The following PALD1 variants were observed in gnomAD, a reference collection of about 807,000 sequenced individuals.
PALD1 encodes the protein paladin.
In PALD1, 57 loss-of-function variants were observed where a neutral mutation model predicts 96.0. The observed-to-expected ratio is 0.59, with a 90% CI of 0.48 to 0.74. PALD1 has a LOEUF of 0.74. PALD1 is among the 30% of genes least tolerant of loss of function. The pLI is 0.00. For missense variants in PALD1, 1,063 were observed against 1,143.7 expected (o/e 0.93, Z 1.02); for synonymous variants, 464 against 473.6 (o/e 0.98, Z 0.26).
intron 1 of PALD1, among the ~76,000 whole-genome samples, chr10:70,514,401 A>G (rs994596670): frequency 2.6e-5 from 4 of 152,228 alleles, no homozygotes; most frequent in African/African-American, 4.8e-5. Flanking sequence ...AAATATAAAA[A>G]CACTTGAGAA....
chr10:70,563,259 T>C (rs1215293957), intron 18 of PALD1, among the ~76,000 whole-genome samples: 1 of 152,032 alleles, frequency 6.6e-6, no homozygotes, highest in Non-Finnish European at 1.5e-5. Context: ...GTCTTGTCCC[T>C]CCTCATCCTC....
At chr10:70,547,724 C>T (rs1267585204) in intron 18 of PALD1, among the ~76,000 whole-genome samples, 1 of 152,188 alleles carries the variant, frequency 6.6e-6, no homozygotes, top group Non-Finnish European at 1.5e-5. Context: ...GGCCCTAGGA[C>T]CAATCAAGGA....
At chr10:70,467,542 C>T in the PALD1 span, among the ~76,000 whole-genome samples, 15 of 152,098 alleles carry the variant, frequency 9.9e-5, no homozygotes, top group African/African-American at 2.2e-4. Context: ...CGCGGGGAAG[C>T]GGATGGCGTC....
At position 70,547,335 on chromosome 10, in the gene PALD1, C is replaced by G; in HGVS notation, c.2151C>G (p.Pro717=). 1 of 1,613,398 alleles carries G rather than the reference C, an allele frequency of 6.2e-7. No individual in the cohort carries two copies. The highest frequency in any genetic ancestry group is 8.5e-7 in the Non-Finnish European group (1 of 1,179,460). ...TAATGAAGGTGGTGCAGCTGCTACC[C>G]GATGGGCACCGTGTGAAGAAGGAGG... The part of the protein sequence containing the change: ...QVVMKVVQLL[P]DGHRVKKEVD... Residue 717 remains proline, a synonymous_variant, in exon 18 of 20, where the codon CCC becomes CCG. Coordinates refer to ENST00000263563, the MANE Select transcript of PALD1 (RefSeq NM_014431.3).
intron 1 of PALD1, among the ~76,000 whole-genome samples, chr10:70,510,906 C>T (rs562807684): frequency 7.9e-5 from 12 of 152,284 alleles, no homozygotes; most frequent in Admixed American, 6.5e-4. Flanking sequence ...GGTGCTCTAA[C>T]GGTGTGCATC....
chr10:70,507,816 G>A (rs887731494), intron 1 of PALD1, among the ~76,000 whole-genome samples: 3 of 151,510 alleles, frequency 2.0e-5, no homozygotes, highest in African/African-American at 7.3e-5. Context: ...TCGTAGAGAT[G>A]AGGTCTCACC....
chr10:70,520,879 A>G (rs1846720518), intron 1 of PALD1, among the ~76,000 whole-genome samples: 5 of 151,248 alleles, frequency 3.3e-5, no homozygotes, highest in Admixed American at 2.6e-4. Context: ...TTTAGTAGAG[A>G]TAGGGTTTTG....
At position 70,538,381 on chromosome 10, in the gene PALD1, G is replaced by A. The variant is rs371642744; in HGVS notation, c.1425G>A (p.Pro475=). The change falls in exon 12 of 20, where the codon CCG becomes CCA. Residue 475 remains proline, a synonymous_variant. Coordinates refer to ENST00000263563, the MANE Select transcript of PALD1 (RefSeq NM_014431.3). ...TGAGCTCAGCAGGCCCTGTGGCTCC[G>A]AGGGACCTCATCGCCAGGGGCTCCC... ...VTLSSAGPVA[P]RDLIARGSLR... 36 of 1,611,630 alleles carry A rather than the reference G, an allele frequency of 2.2e-5. No homozygotes were observed. The highest frequency in any genetic ancestry group is 8.0e-5 in the African/African-American group (6 of 75,070).
At chr10:70,490,984 T>G (rs1344188042) in intron 1 of PALD1, among the ~76,000 whole-genome samples, 5 of 152,008 alleles carry the variant, frequency 3.3e-5, no homozygotes, top group African/African-American at 1.2e-4. Flanking sequence ...AGACAGAGTC[T>G]CGCTCTGTCG....
At chr10:70,474,090 A>G (rs1845793571), upstream of PALD1, among the ~76,000 whole-genome samples, 1 of 152,148 alleles carries the variant, frequency 6.6e-6, no homozygotes, top group African/African-American at 2.4e-5. Context: ...CTCCTGCCAC[A>G]TGTCCTGGGT....
chr10:70,539,840 G>A lies in PALD1; in HGVS notation c.1908+78G>A. 16 of 1,332,386 alleles carry A rather than the reference G, an allele frequency of 1.2e-5. No homozygotes were observed. Among genetic ancestry groups the A allele is most frequent in the Non-Finnish European group, 1.2e-5 (12 of 970,714 alleles). The allele number at this position is 1,332,386 out of a possible 1,614,324, so 82.5% of individuals were successfully genotyped here. On this transcript the variant is annotated intron_variant, in intron 15 of 19. Coordinates refer to ENST00000263563, the MANE Select transcript of PALD1 (RefSeq NM_014431.3). The surrounding 1 kb of genome is among the most constrained non-coding windows in gnomAD (Gnocchi z 4.5). ...GTCTCCCCTCTGGTCTGGGCTCTGGGAGAATGAAACGACCCCAGCTTCTCT... is the reference window on the plus strand; with the variant it reads ...GTCTCCCCTCTGGTCTGGGCTCTGGAAGAATGAAACGACCCCAGCTTCTCT...
chr10:70,539,534 A>G lies in PALD1; in HGVS notation c.1726-46A>G. ...GGCTGTGGCCTTTCAGGGCTAGCCT[A>G]GAGCCTGCCCCAGTGGCCTGTGTCC... On this transcript the variant is annotated intron_variant, in intron 14 of 19. Transcript: ENST00000263563. The surrounding 1 kb of genome is among the most constrained non-coding windows in gnomAD (Gnocchi z 4.5). 1 of 1,511,000 alleles carries G rather than the reference A, an allele frequency of 6.6e-7. No homozygotes were observed. Among genetic ancestry groups the G allele is most frequent in the East Asian group, 2.3e-5 (1 of 43,892 alleles). 93.6% of individuals were successfully genotyped at this position (1,511,000 alleles called of 1,614,324 possible). A position where few individuals can be genotyped will look rare whatever the true frequency, so the allele number is the denominator to read the frequency against.
chr10:70,541,382 T>C lies in PALD1; in HGVS notation c.2050-81T>C. 3 of 1,541,074 alleles carry C rather than the reference T, an allele frequency of 1.9e-6. No homozygotes were observed. The South Asian group carries it at 3.4e-5, about 17-fold the overall frequency. The stretch of plus-strand genomic sequence containing the variant: ...GTCCCAGAGCCCCTTCCATCAGTCT[T>C]GGGCAGCCCCCAAGTCCTCCCCAGC... On this transcript the variant is annotated intron_variant, in intron 16 of 19. Transcript: ENST00000263563.
the PALD1 span, among the ~76,000 whole-genome samples, chr10:70,471,458 G>A: frequency 1.4e-4 from 21 of 152,286 alleles, no homozygotes; most frequent in East Asian, 3.9e-3. Context: ...ACACCACTGT[G>A]GTCATCTTTG....
Position 70,567,869 on chromosome 10 carries a change from C to A in PALD1, c.*1136C>A, listed in dbSNP as rs1434089949. 4 of 152,244 alleles carry A rather than the reference C, an allele frequency of 2.6e-5. No homozygotes were observed. The highest frequency in any genetic ancestry group is 4.8e-5 in the African/African-American group (2 of 41,446). 9.4% of individuals were successfully genotyped at this position (152,244 alleles called of 1,614,324 possible). A position where few individuals can be genotyped will look rare whatever the true frequency, so the allele number is the denominator to read the frequency against. On this transcript the variant is annotated 3_prime_UTR_variant, in exon 20 of 20. Transcript: ENST00000263563. ...AGTGCCATGTTTGCGTTGAGCCTTGCAGCTCTTCCAGCTGGGGACTGGTGC... is the reference window on the plus strand; with the variant it reads ...AGTGCCATGTTTGCGTTGAGCCTTGAAGCTCTTCCAGCTGGGGACTGGTGC...
Position 70,539,351 on chromosome 10 carries a change from C to A in PALD1, c.1725+104C>A. ...ACACTCCCGCAGACAGATGGAGAAT[C>A]TGAGGCCCCGGGAGGAGCAGTGTCA... On this transcript the variant is annotated intron_variant, in intron 14 of 19. Coordinates refer to ENST00000263563, the MANE Select transcript of PALD1 (RefSeq NM_014431.3). The surrounding 1 kb of genome is among the most constrained non-coding windows in gnomAD (Gnocchi z 4.5). 7.9e-7 allele frequency: 1 copy of A among 1,259,178 alleles called. No homozygotes were observed. Among genetic ancestry groups the A allele is most frequent in the Non-Finnish European group, 1.1e-6 (1 of 924,318 alleles). The allele number at this position is 1,259,178 out of a possible 1,614,324, so 78.0% of individuals were successfully genotyped here.
chr10:70,510,686 T>C (rs746980800), intron 1 of PALD1, among the ~76,000 whole-genome samples: 7 of 152,198 alleles, frequency 4.6e-5, no homozygotes, highest in Non-Finnish European at 8.8e-5. Flanking sequence ...CCCAGGGACT[T>C]CCTTGTCTCA....
chr10:70,522,831 G>A (rs566775470), intron 1 of PALD1, among the ~76,000 whole-genome samples: 1 of 152,296 alleles, frequency 6.6e-6, no homozygotes, highest in East Asian at 1.9e-4. Flanking sequence ...TCCCCCTGAA[G>A]CTGGAAGGGG....
At chr10:70,556,521 G>A (rs1194814167) in intron 18 of PALD1, among the ~76,000 whole-genome samples, 2 of 151,910 alleles carry the variant, frequency 1.3e-5, no homozygotes, top group Non-Finnish European at 2.9e-5. Flanking sequence ...CTTTGCTGTG[G>A]TGCCCAGGCT....
Sources: allele counts gnomAD v4.1 joint callset (sites outside exome capture counted in the v4.1 genomes callset), GRCh38; gene constraint gnomAD v4.1.1; non-coding constraint Gnocchi (gnomAD v3.1); transcripts MANE v1.5; gene names NCBI Gene and HGNC (gene_info 2026-07-23, HGNC 2026-07-21).